Variants in LCT observed in about 807,000 individuals in gnomAD.
The protein encoded by LCT is lactase.
A neutral mutation model predicts 173.0 loss-of-function variants in LCT; 90 were observed. That is an observed-to-expected ratio of 0.52 (90% CI 0.44 to 0.62). LCT has a LOEUF of 0.62. Among genes scored for constraint, LCT ranks in the 20% least tolerant of loss-of-function variants. The probability of loss-of-function intolerance (pLI) is 0.00; values close to 1 mark genes in which losing one functional copy is unlikely to be tolerated. For missense variants in LCT, 1,864 were observed against 2,431.4 expected (o/e 0.77, Z 4.91); for synonymous variants, 853 against 957.6 (o/e 0.89, Z 2.02).
At position 135,837,048 on chromosome 2, in the gene LCT, T is replaced by C. The variant is rs757541640; in HGVS notation, c.122A>G (p.His41Arg). ...TAGPLTNDLLHNLSGLLGDQS... is the reference protein window; with the variant it reads ...TAGPLTNDLLRNLSGLLGDQS... ...GTCTCCCAGGAGACCACTCAGGTTG[T>C]GCAGCAAGTCATTGGTTAGAGGACC... The change falls in exon 1 of 17, where the codon CAC becomes CGC. Residue 41 changes from histidine to arginine, a missense_variant. Around this residue, in one of 4 missense-constraint regions of LCT, gnomAD observed 412 missense variants for 462.0 expected, o/e 0.89. Coordinates refer to ENST00000264162, the MANE Select transcript of LCT (RefSeq NM_002299.4). 1.2e-6 allele frequency: 2 copies of C among 1,614,150 alleles called. No individual in the cohort carries two copies. Among genetic ancestry groups the C allele is most frequent in the South Asian group, 1.1e-5 (1 of 91,074 alleles).
intron 6 of LCT, among the ~76,000 whole-genome samples, chr2:135,815,261 G>A (rs1222706336): frequency 6.6e-6 from 1 of 152,322 alleles, no homozygotes; most frequent in African/African-American, 2.4e-5. Flanking sequence ...ATAAAGGGAA[G>A]AATTGAAGGA....
At chr2:135,827,690 G>C (rs1487965085) in intron 3 of LCT, among the ~76,000 whole-genome samples, 1 of 152,172 alleles carries the variant, frequency 6.6e-6, no homozygotes, top group Non-Finnish European at 1.5e-5. Context: ...AATAGGGTTT[G>C]TGCTCCTATC....
intron 1 of LCT, among the ~76,000 whole-genome samples, chr2:135,834,787 C>CAA (rs60298631): frequency 0.024 from 819 of 34,122 alleles, 130 homozygotes; most frequent in African/African-American, 0.076. Flanking sequence ...GACTCCATCT[C>CAA]AAAAAAAAAA....
In LCT at chr2:135,836,739, G is replaced by A. The variant is rs759474884; in HGVS notation, c.431C>T (p.Thr144Ile). The change falls in exon 1 of 17, where the codon ACC (threonine) becomes ATC (isoleucine). Residue 144 changes from threonine (T) to isoleucine (I), a missense_variant. This residue lies in a region of LCT where 412 missense variants were observed against 462.0 expected (regional missense o/e 0.89). Transcript: ENST00000264162. ...GGCGAAGAGGTCAGCAAAGGCTTCG[G>A]TTCTCCGGAGGGTGCTGGCAGGGAG... Reference protein sequence around the residue: ...QTLPASTLRRTEAFADLFADY... With the variant: ...QTLPASTLRRIEAFADLFADY... 1 of 1,614,196 alleles carries A rather than the reference G, an allele frequency of 6.2e-7. No homozygotes were observed. Among genetic ancestry groups the A allele is most frequent in the Admixed American group, 1.7e-5 (1 of 60,022 alleles).
intron 14 of LCT, among the ~76,000 whole-genome samples, chr2:135,793,737 T>G (rs562103629): frequency 2.7e-4 from 41 of 151,964 alleles, no homozygotes; most frequent in African/African-American, 9.9e-4. Context: ...ATACAGGATA[T>G]GGATGAAAAA....
intron 4 of LCT, among the ~76,000 whole-genome samples, chr2:135,823,414 C>A (rs1186299162): frequency 6.6e-6 from 1 of 152,152 alleles, no homozygotes; most frequent in African/African-American, 2.4e-5. Flanking sequence ...GGAAGATGGC[C>A]CTTGAGCTGT....
chr2:135,800,444 C>T (rs2077616021), intron 12 of LCT, among the ~76,000 whole-genome samples, 163 bp downstream of exon 12: 1 of 152,116 alleles, frequency 6.6e-6, no homozygotes, highest in African/African-American at 2.4e-5. Context: ...AGGCTAGTCT[C>T]AAACTCCTAG....
At chr2:135,823,612 CA>C (rs767602326) in intron 4 of LCT, among the ~76,000 whole-genome samples, 1 of 152,132 alleles carries the variant, frequency 6.6e-6, no homozygotes, top group Non-Finnish European at 1.5e-5. Context: ...TAAAAGGAGG[CA>C]AAGATGATTT....
At position 135,826,976 on chromosome 2, in the gene LCT, T is replaced by C. The variant is rs141373130; in HGVS notation, c.804+2617A>G. Reference sequence around the variant, plus strand: ...ATGTTCCAAACCCTTGGACTTCTTTTTCTTTTTCTTTATTTTTTTTTGAGA... The same window carrying C: ...ATGTTCCAAACCCTTGGACTTCTTTCTCTTTTTCTTTATTTTTTTTTGAGA... On this transcript the variant is annotated intron_variant, in intron 3 of 16. Coordinates refer to ENST00000264162, the MANE Select transcript of LCT (RefSeq NM_002299.4). 3.0e-3 allele frequency among the ~76,000 whole-genome samples: 454 copies of C among 152,228 alleles called. 12 individuals are homozygous for C. Among genetic ancestry groups the C allele is most frequent in the Admixed American group, 0.02 (309 of 15,284 alleles).
At chr2:135,813,084 T>A in intron 6 of LCT, 128 bp from the exon 7 acceptor site, 2 of 824,766 alleles carry the variant, frequency 2.4e-6, no homozygotes, top group Non-Finnish European at 4.1e-6. Context: ...AACATTGACA[T>A]TGTCAATATT....
rs767592359 is a variant in LCT, at chr2:135,833,182, G to C, written c.649C>G (p.Leu217Val). 6.2e-7 allele frequency: 1 copy of C among 1,613,876 alleles called. No individual in the cohort carries two copies. The highest frequency in any genetic ancestry group is 8.5e-7 in the Non-Finnish European group (1 of 1,179,878). ...HESYAFQGGK[L>V]SVVLRAEDIP... ...TCTTCAGCTCGCAGGACAACAGAGA[G>C]TTTTCCGCCTGAAACCAACCAGAGA... The change falls in exon 2 of 17, where the codon CTC becomes GTC. Residue 217 changes from leucine (L) to valine (V), a missense_variant. Physicochemically the swap from Leu to Val is conservative, Grantham distance 32. This residue lies in a region of LCT where 412 missense variants were observed against 462.0 expected (regional missense o/e 0.89). Transcript: ENST00000264162.
intron 14 of LCT, among the ~76,000 whole-genome samples, chr2:135,792,036 A>C (rs929612416): frequency 1.3e-5 from 2 of 152,216 alleles, no homozygotes; most frequent in African/African-American, 4.8e-5. Context: ...ATGCTACTGC[A>C]AACTCCATGA....
chr2:135,797,571 G>A (rs2077592565), intron 13 of LCT, among the ~76,000 whole-genome samples: 1 of 152,198 alleles, frequency 6.6e-6, no homozygotes, highest in African/African-American at 2.4e-5. Context: ...GATACCAACA[G>A]AAGATGGGTA....
At chr2:135,830,698 C>G (rs141300373) in intron 2 of LCT, among the ~76,000 whole-genome samples, 1 of 152,344 alleles carries the variant, frequency 6.6e-6, no homozygotes, top group African/African-American at 2.4e-5. Context: ...CTGTTTCTTT[C>G]TCAGTCAAGT....
intron 8 of LCT, among the ~76,000 whole-genome samples, 174 bp downstream of exon 8, chr2:135,808,269 T>C (rs188583530): frequency 3.3e-5 from 5 of 152,306 alleles, no homozygotes; most frequent in Admixed American, 2.6e-4. Context: ...CATAGCCTTT[T>C]TTCCCCCAGC....
At chr2:135,811,513 A>G (rs1208360117) in intron 7 of LCT, among the ~76,000 whole-genome samples, 1 of 152,196 alleles carries the variant, frequency 6.6e-6, no homozygotes, top group Non-Finnish European at 1.5e-5. Context: ...TTGGATCAAA[A>G]TCAATGACAT....
intron 11 of LCT, among the ~76,000 whole-genome samples, chr2:135,801,785 G>A (rs2077629732): frequency 6.6e-6 from 1 of 151,754 alleles, no homozygotes; most frequent in Non-Finnish European, 1.5e-5. Context: ...TATTGATCAG[G>A]CTGGTCTTGA....
At chr2:135,835,524 A>C (rs1027455054) in intron 1 of LCT, among the ~76,000 whole-genome samples, 1 of 139,458 alleles carries the variant, frequency 7.2e-6, no homozygotes, top group African/African-American at 2.6e-5. Flanking sequence ...ATATATATAT[A>C]TATATATCAG....
chr2:135,807,027 G>C lies in LCT; in HGVS notation c.4173+101C>G. 4 of 1,368,668 alleles carry C rather than the reference G, an allele frequency of 2.9e-6. No homozygotes were observed. The Admixed American group carries it at 6.9e-5, about 24-fold the overall frequency. The allele number at this position is 1,368,668 out of a possible 1,614,324, so 84.8% of individuals were successfully genotyped here. A position where few individuals can be genotyped will look rare whatever the true frequency, so the allele number is the denominator to read the frequency against. On this transcript the variant is annotated intron_variant, in intron 9 of 16. Transcript: ENST00000264162. ...ATGCTGCCCCTCCATGGGTCTGCTG[G>C]AATCTCCTGTTCATGCATCTGCCCT...
Sources: allele counts gnomAD v4.1 joint callset (sites outside exome capture counted in the v4.1 genomes callset), GRCh38; gene constraint gnomAD v4.1.1; regional missense constraint gnomAD v4.1.1; transcripts MANE v1.5; gene names NCBI Gene and HGNC (gene_info 2026-07-23, HGNC 2026-07-21).